Variants in NBEA observed in about 807,000 individuals in gnomAD.
NBEA encodes neurobeachin, also known as lysosomal-trafficking regulator 2.
NBEA carries 44 observed loss-of-function variants against 343.4 expected under a neutral mutation model. The observed-to-expected ratio is 0.13, with a 90% CI of 0.10 to 0.16. The LOEUF is 0.16. NBEA is among the 10% of genes least tolerant of loss of function. NBEA has a pLI of 1.00. For synonymous variants in NBEA, 1,175 were observed against 1,238.7 expected, an observed-to-expected ratio of 0.95 and a Z score of 1.08; for missense variants, 2,555 against 3,631.3, an observed-to-expected ratio of 0.70 and a Z score of 7.62.
rs1269132629 is a variant in NBEA, at chr13:35,232,597, T to C, written c.5754T>C (p.His1918=). Residue 1918 remains histidine (H), a synonymous_variant, in exon 34 of 59, where the codon CAT becomes CAC. Transcript: ENST00000379939. ...TATCTCGTACACTTCTTGGCAGTCATGGACAAGAGCTATTGATAGAAGGTA... is the reference window on the plus strand; with the variant it reads ...TATCTCGTACACTTCTTGGCAGTCACGGACAAGAGCTATTGATAGAAGGTA... ...PFLSRTLLGS[H]GQELLIEGLV... The C allele has an allele frequency of 2.0e-6, 3 of 1,537,426 alleles. No homozygotes were observed. The highest frequency in any genetic ancestry group is 2.6e-6 in the Non-Finnish European group (3 of 1,134,162).
At chr13:35,013,892 C>G (rs1482657341) in intron 1 of NBEA, among the ~76,000 whole-genome samples, 2 of 152,034 alleles carry the variant, frequency 1.3e-5, no homozygotes, top group African/African-American at 2.4e-5. Flanking sequence ...CTGTGACTCA[C>G]TTAATCTTTG....
At chr13:35,456,066 G>A (rs2046566472) in intron 40 of NBEA, among the ~76,000 whole-genome samples, 1 of 151,984 alleles carries the variant, frequency 6.6e-6, no homozygotes, top group African/African-American at 2.4e-5. Flanking sequence ...CTTATAGATA[G>A]TCTATGTGTG....
intron 41 of NBEA, among the ~76,000 whole-genome samples, chr13:35,479,150 C>G (rs1333214520): frequency 1.3e-5 from 2 of 152,292 alleles, no homozygotes; most frequent in East Asian, 1.9e-4. Flanking sequence ...CTAGAGTGTT[C>G]AGGAAAGTGA....
intron 38 of NBEA, among the ~76,000 whole-genome samples, chr13:35,381,455 G>C (rs2042009569): frequency 6.6e-6 from 1 of 152,100 alleles, no homozygotes; most frequent in South Asian, 2.1e-4. Flanking sequence ...TAATATTTGA[G>C]TGAGGCATTA....
At chr13:35,647,676 C>A (rs1304933550) in intron 51 of NBEA, among the ~76,000 whole-genome samples, 2 of 152,130 alleles carry the variant, frequency 1.3e-5, no homozygotes, top group Non-Finnish European at 2.9e-5. Flanking sequence ...AAGCAATTCT[C>A]CTGCCTTAGC....
At chr13:35,166,934 G>A (rs2070082965) in intron 24 of NBEA, among the ~76,000 whole-genome samples, 1 of 151,990 alleles carries the variant, frequency 6.6e-6, no homozygotes, top group African/African-American at 2.4e-5. Context: ...GAAGATTACT[G>A]AAAGGAAACA....
intron 56 of NBEA, 56 bp from the exon 57 acceptor site, chr13:35,667,317 CT>C: frequency 7.7e-6 from 11 of 1,430,494 alleles, no homozygotes; most frequent in Non-Finnish European, 1.1e-5. Flanking sequence ...TTGGTGGGAG[CT>C]AGTATGTCGT....
intron 36 of NBEA, among the ~76,000 whole-genome samples, chr13:35,343,761 T>C (rs2039721799): frequency 6.6e-6 from 1 of 152,086 alleles, no homozygotes; most frequent in African/African-American, 2.4e-5. Flanking sequence ...TAATGGCTGA[T>C]AATCTGTCAC....
intron 36 of NBEA, among the ~76,000 whole-genome samples, chr13:35,345,334 C>T (rs2039812363): frequency 6.6e-6 from 1 of 152,042 alleles, no homozygotes; most frequent in South Asian, 2.1e-4. Flanking sequence ...CAACATATTG[C>T]TTTGGCATAT....
chr13:35,614,431 T>C (rs1273215157), intron 48 of NBEA, among the ~76,000 whole-genome samples: 1 of 152,230 alleles, frequency 6.6e-6, no homozygotes, highest in African/African-American at 2.4e-5. Context: ...TTCCCTTTAA[T>C]AGCCCTCAGC....
chr13:35,086,978 A>C (rs2064805167), intron 10 of NBEA, among the ~76,000 whole-genome samples: 1 of 151,296 alleles, frequency 6.6e-6, no homozygotes, highest in Non-Finnish European at 1.5e-5. Context: ...TCCTTAGCCC[A>C]CTTTTTAATG....
chr13:35,411,100 A>AT (rs202120311), intron 38 of NBEA, among the ~76,000 whole-genome samples: 4,522 of 152,094 alleles, frequency 0.03, 104 homozygotes, highest in Non-Finnish European at 0.045. Flanking sequence ...CTTGGTAGCC[A>AT]TTTTTTTGAT....
chr13:35,398,659 GT>G (rs1280717748), intron 38 of NBEA, among the ~76,000 whole-genome samples: 1 of 151,998 alleles, frequency 6.6e-6, no homozygotes, highest in Non-Finnish European at 1.5e-5. Flanking sequence ...GGTCTCAATA[GT>G]GGGCTTAAAA....
rs1346754750 is a variant in NBEA, at chr13:35,189,187, G to A, written c.4927+5116G>A. On this transcript the variant is annotated intron_variant, in intron 30 of 58. Transcript: ENST00000379939. ...ACCTGCCTGTGCCTCCCAAAGTGCT[G>A]TGATTACAGATGTGAGCCACTGCAC... Among the ~76,000 whole-genome samples, 3 of 152,018 alleles carry A rather than the reference G, an allele frequency of 2.0e-5. No homozygotes were observed. The East Asian group carries it at 5.8e-4, about 29-fold the overall frequency.
At chr13:35,082,467 G>C (rs2064465907) in intron 10 of NBEA, among the ~76,000 whole-genome samples, 1 of 152,148 alleles carries the variant, frequency 6.6e-6, no homozygotes, top group East Asian at 1.9e-4. Flanking sequence ...GATATTTCTA[G>C]TTCTAGATCC....
At chr13:35,042,141 G>C (rs1392279568) in intron 2 of NBEA, among the ~76,000 whole-genome samples, 1 of 151,676 alleles carries the variant, frequency 6.6e-6, no homozygotes, top group Non-Finnish European at 1.5e-5. Flanking sequence ...AAAGAATGCA[G>C]AATTGCAAAA....
intron 47 of NBEA, among the ~76,000 whole-genome samples, chr13:35,604,879 C>T (rs2082220170): frequency 1.3e-5 from 2 of 152,148 alleles, no homozygotes; most frequent in South Asian, 4.1e-4. Context: ...GAAGTCTCTC[C>T]TGACTTGCCC....
chr13:35,474,376 A>G (rs1594754801), intron 41 of NBEA: 1 of 151,694 alleles, frequency 6.6e-6, no homozygotes, highest in Non-Finnish European at 1.5e-5. Flanking sequence ...ATATATTTAA[A>G]TAACATTTCA....
chr13:35,115,909 C>G (rs998092645), intron 13 of NBEA, among the ~76,000 whole-genome samples: 22 of 152,170 alleles, frequency 1.4e-4, no homozygotes, highest in African/African-American at 5.3e-4. Context: ...ACCTAAGGCA[C>G]AGAGATGTTA....
Sources: gnomAD v4.1 joint callset for allele counts (sites outside exome capture counted in the v4.1 genomes callset) on GRCh38, gnomAD v4.1.1 for gene constraint, MANE v1.5 for transcripts, NCBI Gene and HGNC (gene_info 2026-07-23, HGNC 2026-07-21) for gene names.